Variants in MFHAS1 observed in about 807,000 individuals in gnomAD.
MFHAS1 encodes malignant fibrous histiocytoma-amplified sequence 1.
A neutral mutation model predicts 70.4 loss-of-function variants in MFHAS1; 50 were observed. That is an observed-to-expected ratio of 0.71 (90% confidence interval 0.57 to 0.90). The LOEUF is 0.90. MFHAS1 is among the 40% of genes least tolerant of loss of function. The probability of loss-of-function intolerance (pLI) is 0.00; values close to 1 mark genes in which losing one functional copy is unlikely to be tolerated. For synonymous variants in MFHAS1, 952 were observed against 620.0 expected, an observed-to-expected ratio of 1.54 and a Z score of -7.96; for missense variants, 1,795 against 1,347.6, an observed-to-expected ratio of 1.33 and a Z score of -5.20.
rs561229487 is a variant in MFHAS1 at position 8,802,322 on chromosome 8, G to A, written c.2999-4831C>T. Among the ~76,000 whole-genome samples, 3 of 152,336 alleles carry A rather than the reference G, an allele frequency of 2.0e-5. No homozygotes were observed. The East Asian group carries it at 5.8e-4, about 29-fold the overall frequency. The stretch of plus-strand genomic sequence containing the variant: ...TACCAGATATCCTGTGTCAAGGATA[G>A]CATGATGTTTAAATTAGGTAACACA... On this transcript the variant is annotated intron_variant, in intron 1 of 2. Transcript: ENST00000276282.
At chr8:8,809,926 C>A (rs763998964) in intron 1 of MFHAS1, among the ~76,000 whole-genome samples, 1 of 152,228 alleles carries the variant, frequency 6.6e-6, no homozygotes, top group Admixed American at 6.5e-5. Flanking sequence ...CAGACGACAA[C>A]GTTCTCTCCC....
chr8:8,794,989 G>A (rs1805843060), intron 2 of MFHAS1, among the ~76,000 whole-genome samples: 3 of 152,168 alleles, frequency 2.0e-5, no homozygotes, highest in Admixed American at 1.3e-4. Context: ...AAGCTGGCTT[G>A]GTGCCAGGAA....
At chr8:8,809,543 C>G (rs1211733972) in intron 1 of MFHAS1, among the ~76,000 whole-genome samples, 1 of 152,210 alleles carries the variant, frequency 6.6e-6, no homozygotes, top group African/African-American at 2.4e-5. Context: ...TCCCACCACG[C>G]CTCCCTGCAG....
At chr8:8,857,903 C>T (rs2116884262) in intron 1 of MFHAS1, among the ~76,000 whole-genome samples, 1 of 152,332 alleles carries the variant, frequency 6.6e-6, no homozygotes, top group South Asian at 2.1e-4. Flanking sequence ...TGACTGCCCA[C>T]TTGTTGATAC....
At chr8:8,801,731 G>A (rs567046644) in intron 1 of MFHAS1, among the ~76,000 whole-genome samples, 1 of 152,194 alleles carries the variant, frequency 6.6e-6, no homozygotes, top group East Asian at 1.9e-4. Context: ...TACTGTGGGT[G>A]AGGACTGAAG....
chr8:8,807,729 A>C (rs1806379588), intron 1 of MFHAS1, among the ~76,000 whole-genome samples: 1 of 152,214 alleles, frequency 6.6e-6, no homozygotes, highest in Admixed American at 6.5e-5. Flanking sequence ...AATTCAAGGA[A>C]GTAAATTAAT....
intron 1 of MFHAS1, among the ~76,000 whole-genome samples, chr8:8,821,579 G>A (rs746948457): frequency 6.6e-6 from 1 of 151,970 alleles, no homozygotes; most frequent in African/African-American, 2.4e-5. Flanking sequence ...CTTAAAAGGT[G>A]GGGGGTGCTT....
intron 1 of MFHAS1, among the ~76,000 whole-genome samples, chr8:8,845,182 A>C (rs764676034): frequency 1.1e-4 from 16 of 152,218 alleles, no homozygotes; most frequent in Non-Finnish European, 2.1e-4. Flanking sequence ...GTTCTGCTTC[A>C]ACTGCCATTC....
chr8:8,879,609 T>C (rs1809432419), intron 1 of MFHAS1, among the ~76,000 whole-genome samples: 1 of 152,110 alleles, frequency 6.6e-6, no homozygotes, highest in South Asian at 2.1e-4. Flanking sequence ...CTCAGTAGGA[T>C]CACATTTTTT....
intron 1 of MFHAS1, among the ~76,000 whole-genome samples, chr8:8,885,091 A>G (rs921251275): frequency 6.6e-6 from 1 of 152,192 alleles, no homozygotes. Flanking sequence ...CTAATCAAAG[A>G]TATATCATGA....
chr8:8,806,724 G>A (rs190846748), intron 1 of MFHAS1, among the ~76,000 whole-genome samples: 20 of 152,298 alleles, frequency 1.3e-4, no homozygotes, highest in Middle Eastern at 3.4e-3. Flanking sequence ...ACTTTGGGAG[G>A]CCAAGGCTGG....
chr8:8,842,059 G>A (rs780916376), intron 1 of MFHAS1, among the ~76,000 whole-genome samples: 4 of 152,206 alleles, frequency 2.6e-5, no homozygotes, highest in Non-Finnish European at 5.9e-5. Flanking sequence ...TGCCAACAAG[G>A]CTGCGCCTTT....
At chr8:8,821,058 G>A (rs1403562240) in intron 1 of MFHAS1, among the ~76,000 whole-genome samples, 2 of 152,218 alleles carry the variant, frequency 1.3e-5, no homozygotes, top group East Asian at 1.9e-4. Flanking sequence ...GAAGTGGGGA[G>A]GCCTCTGGGT....
chr8:8,891,001 C>T lies in MFHAS1; in HGVS notation c.2058G>A (p.Ser686=), dbSNP rs779447420. ...GACCCGCCTGCAGGCCCAAGCGCGCCGAGTCCCACCAGCTTAGCCACAGTC... is the reference window on the plus strand; with the variant it reads ...GACCCGCCTGCAGGCCCAAGCGCGCTGAGTCCCACCAGCTTAGCCACAGTC... ...AQRLWLSWWD[S]ARLGLQAGLT... is the part of the protein sequence containing the mutation. Residue 686 remains serine (S), a synonymous_variant, in exon 1 of 3, where the codon TCG becomes TCA. Coordinates refer to ENST00000276282, the MANE Select transcript of MFHAS1 (RefSeq NM_004225.3). The surrounding 1 kb of genome is among the most constrained non-coding windows in gnomAD (Gnocchi z 5.4). The T allele has an allele frequency of 3.1e-6, 5 of 1,613,888 alleles. No homozygotes were observed. Among genetic ancestry groups the T allele is most frequent in the East Asian group, 2.2e-5 (1 of 44,868 alleles).
intron 1 of MFHAS1, among the ~76,000 whole-genome samples, chr8:8,880,697 T>C (rs796360193): frequency 4.5e-5 from 6 of 133,132 alleles, no homozygotes; most frequent in Non-Finnish European, 9.6e-5. Context: ...TTTTTTTTTT[T>C]TCCCCCAGAT....
chr8:8,810,671 C>T (rs1451209310), intron 1 of MFHAS1, among the ~76,000 whole-genome samples: 5 of 152,134 alleles, frequency 3.3e-5, no homozygotes, highest in Non-Finnish European at 7.3e-5. Flanking sequence ...ATACGAAATA[C>T]ATGCTGATGA....
Position 8,853,520 on chromosome 8 carries a change from G to C in MFHAS1, c.2998+36541C>G, listed in dbSNP as rs570604861. 3.2e-4 allele frequency among the ~76,000 whole-genome samples: 48 copies of C among 150,994 alleles called. No individual in the cohort carries two copies. In the East Asian group the frequency reaches 6.2e-3, roughly 20 times the overall value. ...ACACAACTTAGATTGCTAGTGCCTGGCACGTACAAGGCAAACAGTGTGGGT... is the reference window on the plus strand; with the variant it reads ...ACACAACTTAGATTGCTAGTGCCTGCCACGTACAAGGCAAACAGTGTGGGT... On this transcript the variant is annotated intron_variant, in intron 1 of 2. Transcript: ENST00000276282.
In MFHAS1 at chr8:8,891,263, G is replaced by C. The variant is rs756390661; in HGVS notation, c.1796C>G (p.Ser599Trp). The change falls in exon 1 of 3, where the codon TCG becomes TGG. Residue 599 changes from serine to tryptophan, a missense_variant. Transcript: ENST00000276282. The surrounding 1 kb of genome is among the most constrained non-coding windows in gnomAD (Gnocchi z 5.4). ...CTTGCGCCGTCGAAGGTTCTTGTCC[G>C]AAACGCCATAGTAGGCTGCGTGGGG... Reference protein sequence around the residue: ...ASPHAAYYGVSDKNLRRRKAH... With the variant: ...ASPHAAYYGVWDKNLRRRKAH... 13 of 1,612,008 alleles carry C rather than the reference G, an allele frequency of 8.1e-6. No individual in the cohort carries two copies. In the South Asian group the frequency reaches 1.2e-4, roughly 15 times the overall value.
intron 1 of MFHAS1, among the ~76,000 whole-genome samples, chr8:8,864,289 C>A (rs1317060490): frequency 6.6e-6 from 1 of 152,214 alleles, no homozygotes; most frequent in Non-Finnish European, 1.5e-5. Flanking sequence ...CTATGCTCAA[C>A]CAAATCTGCT....
Sources: gnomAD v4.1 joint callset for allele counts (sites outside exome capture counted in the v4.1 genomes callset) on GRCh38, gnomAD v4.1.1 for gene constraint, Gnocchi (gnomAD v3.1) non-coding constraint, MANE v1.5 for transcripts, NCBI Gene and HGNC (gene_info 2026-07-23, HGNC 2026-07-21) for gene names.